BCL2L11: variants seen among roughly 807,000 people sequenced by gnomAD.
BCL2L11 encodes BCL2 like 11.
BCL2L11 carries 15 observed loss-of-function variants against 20.6 expected under a neutral mutation model. The ratio of observed to expected loss-of-function variants is 0.73; its 90% CI spans 0.49 to 1.12. The LOEUF is 1.12. BCL2L11 is among the 50% of genes most tolerant of loss of function. BCL2L11 has a pLI of 0.00. For synonymous variants in BCL2L11, 108 were observed against 92.8 expected (o/e 1.16, Z -0.94); for missense variants, 292 against 260.9 (o/e 1.12, Z -0.82).
At chr2:111,160,215 A>G (rs1344156803) in intron 3 of BCL2L11, among the ~76,000 whole-genome samples, 1 of 152,114 alleles carries the variant, frequency 6.6e-6, no homozygotes, top group African/African-American at 2.4e-5. Context: ...TTGGGGCTTG[A>G]TGTGGGGATT....
At chr2:111,155,428 G>A (rs775542101) in intron 3 of BCL2L11, among the ~76,000 whole-genome samples, 18 of 150,938 alleles carry the variant, frequency 1.2e-4, no homozygotes, top group Non-Finnish European at 1.9e-4. Context: ...GATGTGGGCC[G>A]GAGGTACTGG....
chr2:111,160,992 G>A (rs1278485073), intron 3 of BCL2L11, among the ~76,000 whole-genome samples: 1 of 152,198 alleles, frequency 6.6e-6, no homozygotes, highest in Non-Finnish European at 1.5e-5. Context: ...CTGGAAGTCT[G>A]TGATCATGGT....
At chr2:111,146,545 G>C (rs181841816) in intron 2 of BCL2L11, among the ~76,000 whole-genome samples, 103 of 152,292 alleles carry the variant, frequency 6.8e-4, no homozygotes, top group Middle Eastern at 3.4e-3. Context: ...CATACCGGTG[G>C]ATCCCTTTGT....
At chr2:111,122,651 G>C (rs898401438) in intron 1 of BCL2L11, 2 of 983,932 alleles carry the variant, frequency 2.0e-6, no homozygotes, top group African/African-American at 1.8e-5. Context: ...GGAGGAGGCG[G>C]AGGATGTTCC....
chr2:111,136,500 G>T (rs2074916628), intron 2 of BCL2L11, among the ~76,000 whole-genome samples: 1 of 152,154 alleles, frequency 6.6e-6, no homozygotes, highest in South Asian at 2.1e-4. Flanking sequence ...GGTGTTTATG[G>T]TGGCTATTTG....
chr2:111,122,906 T>G (rs1216675102), intron 1 of BCL2L11: 15 of 985,210 alleles, frequency 1.5e-5, no homozygotes, highest in African/African-American at 1.7e-5. Flanking sequence ...CGCTGCGCTC[T>G]GAAGGGAAGG....
chr2:111,158,118 CTG>C (rs2078102408), intron 3 of BCL2L11, among the ~76,000 whole-genome samples: 1 of 152,246 alleles, frequency 6.6e-6, no homozygotes, highest in Non-Finnish European at 1.5e-5. Context: ...TGCCGTTTGA[CTG>C]TGGTTGTTGG....
In BCL2L11 at chr2:111,154,005, C is replaced by T. The variant is rs748638249; in HGVS notation, c.498+3858C>T. The stretch of plus-strand genomic sequence containing the variant: ...GAACGGCCTGGCCCCTCTATTCAGT[C>T]GGAGTTTTACTACTCCAGTGGATTT... On this transcript the variant is annotated intron_variant, in intron 3 of 3. Coordinates refer to ENST00000393256, the MANE Select transcript of BCL2L11 (RefSeq NM_138621.5). 5.6e-6 allele frequency: 7 copies of T among 1,252,104 alleles called. No homozygotes were observed. In the East Asian group the frequency reaches 9.0e-5, roughly 16 times the overall value. 77.6% of individuals were successfully genotyped at this position (1,252,104 alleles called of 1,614,324 possible).
chr2:111,130,436 A>G lies in BCL2L11; in HGVS notation c.394+6297A>G, dbSNP rs184204482. 3.2e-3 allele frequency among the ~76,000 whole-genome samples: 481 copies of G among 152,360 alleles called. 4 individuals carry two copies. The highest frequency in any genetic ancestry group is 0.011 in the African/African-American group (457 of 41,592). On this transcript the variant is annotated intron_variant, in intron 2 of 3. Transcript: ENST00000393256. ...TAGCATCTATGTGTTCACTTGTAGT[A>G]TATAGAAATACAATTGATTTTTGTG...
chr2:111,134,777 A>G (rs542064093), intron 2 of BCL2L11, among the ~76,000 whole-genome samples: 1 of 152,312 alleles, frequency 6.6e-6, no homozygotes, highest in East Asian at 1.9e-4. Context: ...GGATATCTTC[A>G]CGGAAGATAG....
At position 111,149,937 on chromosome 2, in the gene BCL2L11, G is replaced by A. The variant is rs545009359; in HGVS notation, c.395-107G>A. 17 of 873,596 alleles carry A rather than the reference G, an allele frequency of 1.9e-5. No homozygotes were observed. The South Asian group carries it at 2.4e-4, about 12-fold the overall frequency. The allele number at this position is 873,596 out of a possible 1,614,324, so 54.1% of individuals were successfully genotyped here. A position where few individuals can be genotyped will look rare whatever the true frequency, so the allele number is the denominator to read the frequency against. On this transcript the variant is annotated intron_variant, in intron 2 of 3. Coordinates refer to ENST00000393256, the MANE Select transcript of BCL2L11 (RefSeq NM_138621.5). ...TTGAAGTCAGGGAGCTCCCAGAAATGTGAAAGAGTGTGTGAGATGGGCTTG... is the reference window on the plus strand; with the variant it reads ...TTGAAGTCAGGGAGCTCCCAGAAATATGAAAGAGTGTGTGAGATGGGCTTG...
chr2:111,136,198 A>G (rs1423017620), intron 2 of BCL2L11, among the ~76,000 whole-genome samples: 3 of 152,156 alleles, frequency 2.0e-5, no homozygotes, highest in Non-Finnish European at 4.4e-5. Context: ...CAGGCCTCCC[A>G]TGGAGCTGTT....
At chr2:111,122,082 CGT>C (rs2071126657) in intron 1 of BCL2L11, among the ~76,000 whole-genome samples, 2 of 152,078 alleles carry the variant, frequency 1.3e-5, no homozygotes, top group Admixed American at 6.6e-5. Context: ...TGGTCGCGGA[CGT>C]GCGCGTCCGC....
At chr2:111,164,095 TA>T in intron 3 of BCL2L11, 37 bp from the exon 4 acceptor site, 3 of 805,828 alleles carry the variant, frequency 3.7e-6, no homozygotes, top group East Asian at 3.7e-5. Flanking sequence ...ACCCCCAAAT[TA>T]GGGAGAAACT....
chr2:111,142,363 T>G, intron 2 of BCL2L11: 1 of 1,550,596 alleles, frequency 6.4e-7, no homozygotes, highest in Non-Finnish European at 8.7e-7. Context: ...GGAAGTTCAG[T>G]GGCCACTCAA....
chr2:111,153,714 A>G, intron 3 of BCL2L11: 2 of 1,542,668 alleles, frequency 1.3e-6, no homozygotes, highest in Non-Finnish European at 1.8e-6. Context: ...TGCCTTGTCT[A>G]AAGTGTTAGT....
intron 1 of BCL2L11, 105 bp from the exon 2 acceptor site, chr2:111,123,628 T>C: frequency 8.1e-7 from 1 of 1,238,270 alleles, no homozygotes; most frequent in Non-Finnish European, 1.0e-6. Flanking sequence ...ACAAAGTATT[T>C]GGGATTAACC....
At chr2:111,134,053 C>T (rs1451539969) in intron 2 of BCL2L11, among the ~76,000 whole-genome samples, 1 of 151,520 alleles carries the variant, frequency 6.6e-6, no homozygotes, top group Non-Finnish European at 1.5e-5. Context: ...TTTCCATCTG[C>T]ATATGTTGTA....
chr2:111,127,828 A>G (rs1156876792), intron 2 of BCL2L11, among the ~76,000 whole-genome samples: 2 of 152,116 alleles, frequency 1.3e-5, no homozygotes, highest in Non-Finnish European at 2.9e-5. Flanking sequence ...ATTGATACAC[A>G]CTGGATTTTG....
Sources: allele counts gnomAD v4.1 joint callset (sites outside exome capture counted in the v4.1 genomes callset), GRCh38; gene constraint gnomAD v4.1.1; transcripts MANE v1.5; gene names NCBI Gene and HGNC (gene_info 2026-07-23, HGNC 2026-07-21).